The following SNAP47 variants were observed in gnomAD, a reference collection of about 807,000 sequenced individuals.
The protein encoded by SNAP47 is synaptosome associated protein 47, also known as synaptosomal-associated protein 47.
In SNAP47, 20 loss-of-function variants were observed where a neutral mutation model predicts 31.4. The ratio of observed to expected loss-of-function variants is 0.64; its 90% confidence interval spans 0.45 to 0.93. The LOEUF (loss-of-function observed/expected upper bound fraction) is 0.93, where lower values mean the gene tolerates loss of function less well. Ranked by LOEUF, SNAP47 falls within the 40% of genes least tolerant of loss-of-function variation. The pLI is 0.00. For missense variants in SNAP47, 492 were observed against 528.5 expected (o/e 0.93, Z 0.68); for synonymous variants, 194 against 213.4 (o/e 0.91, Z 0.79).
At chr1:227,742,844 C>G (rs1211253154) in intron 1 of SNAP47, among the ~76,000 whole-genome samples, 1 of 152,226 alleles carries the variant, frequency 6.6e-6, no homozygotes, top group South Asian at 2.1e-4. Flanking sequence ...TATCCTCCTC[C>G]TAATTCTGAG....
chr1:227,760,000 G>A (rs1278198500), intron 3 of SNAP47, among the ~76,000 whole-genome samples: 1 of 152,212 alleles, frequency 6.6e-6, no homozygotes, highest in African/African-American at 2.4e-5. Flanking sequence ...CCCCTTGAGT[G>A]TCTCTGCCAC....
At chr1:227,728,987 G>T (rs941922963) in intron 1 of SNAP47, among the ~76,000 whole-genome samples, 1 of 152,322 alleles carries the variant, frequency 6.6e-6, no homozygotes, top group Admixed American at 6.5e-5. Flanking sequence ...TCCACGAGCT[G>T]CGGCTCTCTA....
intron 3 of SNAP47, among the ~76,000 whole-genome samples, chr1:227,766,314 G>A (rs923324717): frequency 1.3e-5 from 2 of 152,244 alleles, no homozygotes; most frequent in African/African-American, 2.4e-5. Context: ...TCTGGGCCCC[G>A]GGGTGTCAAG....
chr1:227,733,969 C>T (rs745862050), upstream of SNAP47: 4 of 1,613,860 alleles, frequency 2.5e-6, no homozygotes, highest in Admixed American at 6.7e-5. Context: ...CATCCCAGAA[C>T]TCATTCAGCC....
intron 4 of SNAP47, among the ~76,000 whole-genome samples, chr1:227,772,438 G>T (rs1170110879): frequency 1.3e-5 from 2 of 151,056 alleles, no homozygotes; most frequent in Admixed American, 1.3e-4. Context: ...TTTTGTGCCT[G>T]CCTTATTTCA....
Position 227,735,486 on chromosome 1 carries a change from C to T in SNAP47, c.-59C>T, listed in dbSNP as rs745332648. ...CGCCGCGGTCGGCTCTGGGACTCGT[C>T]TGGCGTCCCTCAGGTGAGCGACGGT... On this transcript the variant is annotated 5_prime_UTR_variant, in exon 1 of 5. Transcript: ENST00000617596. The T allele has an allele frequency of 3.2e-5, 46 of 1,418,998 alleles. No individual in the cohort carries two copies. The South Asian group carries it at 3.3e-4, about 10-fold the overall frequency. The allele number at this position is 1,418,998 out of a possible 1,614,324, so 87.9% of individuals were successfully genotyped here.
In SNAP47 at chr1:227,759,191, G is replaced by A. The variant is rs373675272; in HGVS notation, c.694G>A (p.Val232Ile). The A allele has an allele frequency of 2.4e-5, 38 of 1,614,042 alleles. No homozygotes were observed. In the East Asian group the frequency reaches 2.4e-4, roughly 10 times the overall value. The change falls in exon 3 of 5, where the codon GTC (valine) becomes ATC (isoleucine). Residue 232 changes from valine (V) to isoleucine (I), a missense_variant. By Grantham distance (29) the Val-to-Ile change is conservative. Transcript: ENST00000617596. ...ESHVKPGRLT[V>I]LVSGLEIHDS... is the part of the protein sequence containing the mutation. ...TCACGTTAAACCAGGGAGGCTCACC[G>A]TCCTTGTGTCTGGGTTGGAAATACA...
chr1:227,772,625 G>A (rs1663895502), intron 4 of SNAP47, among the ~76,000 whole-genome samples: 2 of 152,110 alleles, frequency 1.3e-5, no homozygotes, highest in Admixed American at 1.3e-4. Context: ...ATTATCAAGG[G>A]AAATGCTCTA....
intron 4 of SNAP47, chr1:227,776,582 T>A: frequency 1.0e-6 from 1 of 985,466 alleles, no homozygotes; most frequent in Non-Finnish European, 1.2e-6. Context: ...GGAACAACTG[T>A]TTCTAGGGTT....
At chr1:227,737,364 A>C (rs531576657) in intron 1 of SNAP47, among the ~76,000 whole-genome samples, 13 of 152,362 alleles carry the variant, frequency 8.5e-5, no homozygotes, top group African/African-American at 2.9e-4. Flanking sequence ...CATCTCTCCC[A>C]GAGAAATGAG....
Position 227,780,531 on chromosome 1 carries a change from T to C in SNAP47, c.1118T>C (p.Leu373Pro). The C allele has an allele frequency of 3.7e-6, 6 of 1,613,940 alleles. No homozygotes were observed. The highest frequency in any genetic ancestry group is 5.1e-6 in the Non-Finnish European group (6 of 1,179,988). ...TGATCTTGTGCTTCTCCCCAGATCC[T>C]GAGGAGGATGAAGGGGCTGGCCCTG... Reference protein sequence around the residue: ...EADTQELTQILRRMKGLALEA... With the variant: ...EADTQELTQIPRRMKGLALEA... Residue 373 changes from leucine (L) to proline (P), a missense_variant, in exon 5 of 5, where the codon CTG becomes CCG. By Grantham distance (98) the Leu-to-Pro change is moderately conservative. Coordinates refer to ENST00000617596, the MANE Select transcript of SNAP47 (RefSeq NM_053052.4).
At chr1:227,734,948 G>T (rs1168697665), upstream of SNAP47, 12 of 1,493,028 alleles carry the variant, frequency 8.0e-6, no homozygotes, top group Admixed American at 2.3e-5. Flanking sequence ...CTAGGCGGGG[G>T]CCTCCCGGGC....
intron 4 of SNAP47, among the ~76,000 whole-genome samples, chr1:227,773,816 G>A (rs971982899): frequency 1.3e-5 from 2 of 152,238 alleles, no homozygotes; most frequent in African/African-American, 4.8e-5. Flanking sequence ...CCCCCTCAGT[G>A]TGTGTATGTG....
In SNAP47 at chr1:227,768,862, C is replaced by G. The variant is rs74500215; in HGVS notation, c.1113+1779C>G. On this transcript the variant is annotated intron_variant, in intron 4 of 4. Coordinates refer to ENST00000617596, the MANE Select transcript of SNAP47 (RefSeq NM_053052.4). ...TGAGACTGGCAGGATCTGAGCACAC[C>G]CCACTCCCACACCCCACAAAGGTGT... is the stretch of plus-strand genomic sequence containing the variant. Among the ~76,000 whole-genome samples the G allele has an allele frequency of 4.0e-3, 617 of 152,356 alleles. 8 individuals carry two copies. Among genetic ancestry groups the G allele is most frequent in the African/African-American group, 0.014 (586 of 41,588 alleles).
intron 1 of SNAP47, among the ~76,000 whole-genome samples, chr1:227,739,000 G>T (rs1366354024): frequency 6.6e-6 from 1 of 152,146 alleles, no homozygotes; most frequent in Non-Finnish European, 1.5e-5. Flanking sequence ...CCTCGGGTCA[G>T]TGTCACCACT....
At chr1:227,732,623 G>A (rs779487491), upstream of SNAP47, 2 of 1,613,466 alleles carry the variant, frequency 1.2e-6, no homozygotes, top group East Asian at 4.5e-5. Flanking sequence ...CGATGACCTT[G>A]AGGAAGTGGT....
intron 4 of SNAP47, 44 bp downstream of exon 4, chr1:227,767,127 T>A: frequency 6.2e-7 from 1 of 1,609,600 alleles, no homozygotes; most frequent in Non-Finnish European, 8.5e-7. Context: ...TGTGTCCCAG[T>A]CTTCCCGCAG....
chr1:227,755,224 G>T (rs1260938796), intron 2 of SNAP47, among the ~76,000 whole-genome samples: 1 of 149,634 alleles, frequency 6.7e-6, no homozygotes, highest in Non-Finnish European at 1.5e-5. Context: ...TACTTTTTGA[G>T]ACAGGATCTT....
intron 4 of SNAP47, among the ~76,000 whole-genome samples, chr1:227,779,247 C>T (rs1378617375): frequency 6.6e-6 from 1 of 152,236 alleles, no homozygotes; most frequent in Non-Finnish European, 1.5e-5. Flanking sequence ...CAGATGAAGG[C>T]CGGACCATAG....
Sources: gnomAD v4.1 joint callset for allele counts (sites outside exome capture counted in the v4.1 genomes callset) on GRCh38, gnomAD v4.1.1 for gene constraint, MANE v1.5 for transcripts, NCBI Gene and HGNC (gene_info 2026-07-23, HGNC 2026-07-21) for gene names.